EPAS1: variants seen among roughly 807,000 people sequenced by gnomAD.
The protein encoded by EPAS1 is endothelial PAS domain-containing protein 1.
EPAS1 carries 23 observed loss-of-function variants against 87.9 expected under a neutral mutation model. The ratio of observed to expected loss-of-function variants is 0.26; its 90% CI spans 0.19 to 0.37. The LOEUF (loss-of-function observed/expected upper bound fraction) is 0.37. Among genes scored for constraint, EPAS1 ranks in the 10% least tolerant of loss-of-function variants. EPAS1 has a pLI of 1.00. For missense variants in EPAS1, 1,138 were observed against 1,120.7 expected, an observed-to-expected ratio of 1.02 and a Z score of -0.22; for synonymous variants, 508 against 444.3, an observed-to-expected ratio of 1.14 and a Z score of -1.80.
intron 1 of EPAS1, among the ~76,000 whole-genome samples, chr2:46,344,168 G>GT (rs1683969208): frequency 6.6e-6 from 1 of 152,154 alleles, no homozygotes; most frequent in Admixed American, 6.5e-5. Flanking sequence ...TATATGAAAG[G>GT]TTTTTGATAG....
At chr2:46,308,515 C>G (rs1683152489) in intron 1 of EPAS1, among the ~76,000 whole-genome samples, 1 of 146,962 alleles carries the variant, frequency 6.8e-6, no homozygotes, top group African/African-American at 2.5e-5. Flanking sequence ...AATAGAATTG[C>G]TTTGTTCATG....
At chr2:46,365,031 T>G (rs1301569628) in intron 6 of EPAS1, among the ~76,000 whole-genome samples, 1 of 152,210 alleles carries the variant, frequency 6.6e-6, no homozygotes, top group Non-Finnish European at 1.5e-5. Context: ...AGTTTAACTT[T>G]AAAATAGGGT....
chr2:46,375,730 G>T lies in EPAS1; in HGVS notation c.927G>T (p.Met309Ile). 1 of 1,614,202 alleles carries T rather than the reference G, an allele frequency of 6.2e-7. No individual in the cohort carries two copies. Among genetic ancestry groups the T allele is most frequent in the South Asian group, 1.1e-5 (1 of 91,078 alleles). Residue 309 changes from methionine (M) to isoleucine (I), a missense_variant, in exon 8 of 16, where the codon ATG (methionine) becomes ATT (isoleucine). Met to Ile is a conservative substitution (Grantham distance 10, BLOSUM62 1). Transcript: ENST00000263734. The surrounding 1 kb of genome is among the most constrained non-coding windows in gnomAD (Gnocchi z 4.1). ...AGGTAGTAAGTGGCCAGTACCGGAT[G>T]CTCGCAAAGCATGGGGGCTACGTGT... ...KGQVVSGQYR[M>I]LAKHGGYVWL...
chr2:46,303,843 T>A (rs893105975), intron 1 of EPAS1, among the ~76,000 whole-genome samples: 8 of 152,212 alleles, frequency 5.3e-5, no homozygotes, highest in Non-Finnish European at 1.2e-4. Context: ...TCTTGTGTTT[T>A]ACTGCCATTG....
intron 2 of EPAS1, among the ~76,000 whole-genome samples, chr2:46,349,881 C>A (rs1460242600): frequency 2.6e-5 from 4 of 152,202 alleles, no homozygotes; most frequent in Non-Finnish European, 5.9e-5. Context: ...GGCAGATAGA[C>A]CTGCATTGGA....
At position 46,371,802 on chromosome 2, in the gene EPAS1, G is replaced by A. The variant is rs574946925; in HGVS notation, c.886+1869G>A. Among the ~76,000 whole-genome samples the A allele has an allele frequency of 1.6e-3, 245 of 152,344 alleles. 1 individual carries two copies. The highest frequency in any genetic ancestry group is 5.4e-3 in the African/African-American group (225 of 41,586). On this transcript the variant is annotated intron_variant, in intron 7 of 15. Coordinates refer to ENST00000263734, the MANE Select transcript of EPAS1 (RefSeq NM_001430.5). The surrounding 1 kb of genome is among the most constrained non-coding windows in gnomAD (Gnocchi z 4.3). Reference sequence around the variant, plus strand: ...TCCTGACTTTAGATGTAAAACTGGGGAAAAGTCTAGCCTTCCTTCCAAGCT... The same window carrying A: ...TCCTGACTTTAGATGTAAAACTGGGAAAAAGTCTAGCCTTCCTTCCAAGCT...
In EPAS1 at chr2:46,347,954, G is replaced by A. The variant is rs1684068979; in HGVS notation, c.217+891G>A. On this transcript the variant is annotated intron_variant, in intron 2 of 15. Coordinates refer to ENST00000263734, the MANE Select transcript of EPAS1 (RefSeq NM_001430.5). This position sits in a 1 kb window ranked among gnomAD's most constrained non-coding sequence, Gnocchi z 4.2. The stretch of plus-strand genomic sequence containing the variant: ...TGTCTGACGGGTGAGCATGAGGGAG[G>A]CACTCAGGGAGGGAAGGTTCTTTTG... 6.6e-6 allele frequency among the ~76,000 whole-genome samples: 1 copy of A among 152,152 alleles called. No homozygotes were observed. Among genetic ancestry groups the A allele is most frequent in the African/African-American group, 2.4e-5 (1 of 41,424 alleles).
chr2:46,307,562 GT>G (rs1683129186), intron 1 of EPAS1, among the ~76,000 whole-genome samples: 2 of 152,140 alleles, frequency 1.3e-5, no homozygotes, highest in Non-Finnish European at 2.9e-5. Flanking sequence ...CTATCACTCT[GT>G]TTGTCTTGCC....
chr2:46,358,228 CCTCTT>C (rs1684309397), intron 4 of EPAS1, among the ~76,000 whole-genome samples: 1 of 152,218 alleles, frequency 6.6e-6, no homozygotes, highest in African/African-American at 2.4e-5. Flanking sequence ...ACAACCACCT[CCTCTT>C]CTACCACTGC....
At position 46,317,612 on chromosome 2, in the gene EPAS1, C is replaced by T. The variant is rs374061870; in HGVS notation, c.26+19675C>T. Among the ~76,000 whole-genome samples the T allele has an allele frequency of 5.9e-5, 9 of 152,338 alleles. No individual in the cohort carries two copies. In the East Asian group the frequency reaches 9.6e-4, roughly 16 times the overall value. Reference sequence around the variant, plus strand: ...GATAAGTGGCTTCAGCTTAAACTCACCAGCTGCATTAGTCCCTAGTAAGAG... The same window carrying T: ...GATAAGTGGCTTCAGCTTAAACTCATCAGCTGCATTAGTCCCTAGTAAGAG... On this transcript the variant is annotated intron_variant, in intron 1 of 15. Coordinates refer to ENST00000263734, the MANE Select transcript of EPAS1 (RefSeq NM_001430.5).
chr2:46,375,734 G>A lies in EPAS1; in HGVS notation c.931G>A (p.Ala311Thr), dbSNP rs749317556. The stretch of plus-strand genomic sequence containing the variant: ...AGTAAGTGGCCAGTACCGGATGCTC[G>A]CAAAGCATGGGGGCTACGTGTGGCT... ...QVVSGQYRMLAKHGGYVWLET... is the reference protein window; with the variant it reads ...QVVSGQYRMLTKHGGYVWLET... Residue 311 changes from alanine to threonine, a missense_variant, in exon 8 of 16, where the codon GCA (alanine) becomes ACA (threonine). Transcript: ENST00000263734. This position sits in a 1 kb window ranked among gnomAD's most constrained non-coding sequence, Gnocchi z 4.1. The A allele has an allele frequency of 1.2e-5, 20 of 1,614,210 alleles. No individual in the cohort carries two copies. Among genetic ancestry groups the A allele is most frequent in the Admixed American group, 3.3e-5 (2 of 60,024 alleles).
At chr2:46,328,821 T>C (rs917376734) in intron 1 of EPAS1, among the ~76,000 whole-genome samples, 13 of 152,226 alleles carry the variant, frequency 8.5e-5, no homozygotes, top group African/African-American at 3.1e-4. Context: ...GAGGTGAAAA[T>C]GTTCAGAACA....
At chr2:46,310,000 A>G (rs74583897) in intron 1 of EPAS1, among the ~76,000 whole-genome samples, 1,690 of 152,296 alleles carry the variant, frequency 0.011, 35 homozygotes, top group African/African-American at 0.039. Flanking sequence ...ATTGACCTCA[A>G]AGCCTCCCCT....
chr2:46,302,168 G>T (rs1014905015), intron 1 of EPAS1, among the ~76,000 whole-genome samples: 4 of 148,802 alleles, frequency 2.7e-5, no homozygotes, highest in Non-Finnish European at 5.9e-5. Flanking sequence ...GTCGGGGGGG[G>T]GGGCAGTGGT....
Position 46,300,322 on chromosome 2 carries a change from C to T in EPAS1, c.26+2385C>T, listed in dbSNP as rs1406595811. 2.0e-5 allele frequency among the ~76,000 whole-genome samples: 3 copies of T among 152,270 alleles called. No homozygotes were observed. In the East Asian group the frequency reaches 5.8e-4, roughly 29 times the overall value. ...CCACTAGTTCTTACATTTTGTGTTT[C>T]TTTGGTTTAGCAGAGCAGTTTCTTC... On this transcript the variant is annotated intron_variant, in intron 1 of 15. Coordinates refer to ENST00000263734, the MANE Select transcript of EPAS1 (RefSeq NM_001430.5). The surrounding 1 kb of genome is among the most constrained non-coding windows in gnomAD (Gnocchi z 4.1).
chr2:46,383,542 C>A (rs1263014572), intron 15 of EPAS1, among the ~76,000 whole-genome samples: 1 of 152,190 alleles, frequency 6.6e-6, no homozygotes, highest in Non-Finnish European at 1.5e-5. Context: ...GCTGTAGAAA[C>A]ACCAGACAGC....
chr2:46,346,740 C>A lies in EPAS1; in HGVS notation c.27-133C>A. ...AGCAGGTTGTGTGTGGCTCAGACAA[C>A]TGGTGTGAGCCCAGATCAGTCTAGT... On this transcript the variant is annotated intron_variant, in intron 1 of 15. Transcript: ENST00000263734. This position sits in a 1 kb window ranked among gnomAD's most constrained non-coding sequence, Gnocchi z 4.0. The A allele has an allele frequency of 2.2e-6, 2 of 897,596 alleles. No homozygotes were observed. The highest frequency in any genetic ancestry group is 3.5e-6 in the Non-Finnish European group (2 of 564,020). The allele number at this position is 897,596 out of a possible 1,614,324, so 55.6% of individuals were successfully genotyped here.
chr2:46,352,825 C>G (rs1684196963), intron 2 of EPAS1, among the ~76,000 whole-genome samples: 1 of 152,218 alleles, frequency 6.6e-6, no homozygotes, highest in South Asian at 2.1e-4. Context: ...CATTCTGTTA[C>G]CCTTCGTGGC....
rs1684663380 is a variant in EPAS1, at chr2:46,373,163, C to T, written c.887-2527C>T. Among the ~76,000 whole-genome samples, 2 of 152,178 alleles carry T rather than the reference C, an allele frequency of 1.3e-5. 1 individual carries two copies. The highest frequency in any genetic ancestry group is 1.3e-4 in the Admixed American group (2 of 15,278). The stretch of plus-strand genomic sequence containing the variant: ...TGTTAAAAGAAAATACTTATCCTCC[C>T]TGTGGCACAGGGTTTTGTTTAAAAG... On this transcript the variant is annotated intron_variant, in intron 7 of 15. Coordinates refer to ENST00000263734, the MANE Select transcript of EPAS1 (RefSeq NM_001430.5).
Sources: allele counts gnomAD v4.1 joint callset (sites outside exome capture counted in the v4.1 genomes callset), GRCh38; gene constraint gnomAD v4.1.1; non-coding constraint Gnocchi (gnomAD v3.1); transcripts MANE v1.5; gene names NCBI Gene and HGNC (gene_info 2026-07-23, HGNC 2026-07-21).